PTPRD: variants seen among roughly 807,000 people sequenced by gnomAD.
PTPRD encodes protein tyrosine phosphatase receptor type D.
Under a neutral mutation model 214.5 loss-of-function variants are expected in PTPRD, and 34 were observed. The observed-to-expected ratio is 0.16, with a 90% CI of 0.12 to 0.21. The LOEUF is 0.21. Among genes scored for constraint, PTPRD ranks in the 10% least tolerant of loss-of-function variants. The pLI, the probability that PTPRD is intolerant of heterozygous loss-of-function variation, is 1.00. For synonymous variants in PTPRD, 1,128 were observed against 845.7 expected, an observed-to-expected ratio of 1.33 and a Z score of -5.79; for missense variants, 2,545 against 2,398.7, an observed-to-expected ratio of 1.06 and a Z score of -1.27.
intron 36 of PTPRD, among the ~76,000 whole-genome samples, chr9:8,400,011 A>T (rs1292594744): frequency 6.6e-6 from 1 of 150,908 alleles, no homozygotes; most frequent in African/African-American, 2.5e-5. Flanking sequence ...CCAGATAATC[A>T]TATCTATTAT....
At chr9:10,556,792 G>A (rs1324853049) in intron 2 of PTPRD, among the ~76,000 whole-genome samples, 4 of 151,942 alleles carry the variant, frequency 2.6e-5, no homozygotes, top group Admixed American at 6.6e-5. Context: ...AATGTACTGC[G>A]GGAAGATGGA....
rs1569568014 is a variant in PTPRD, at chr9:9,402,973, A to AC, written c.-236-5492_-236-5491insG. On this transcript the variant is annotated intron_variant, in intron 8 of 45. Coordinates refer to ENST00000381196, the MANE Select transcript of PTPRD (RefSeq NM_002839.4). ...ACATTTGTCTAATAGGGAGAAAAAAAAAAAAAAAAAAAAAAACACCAAAAA... is the reference window on the plus strand; with the variant it reads ...ACATTTGTCTAATAGGGAGAAAAAAACAAAAAAAAAAAAAAAACACCAAAAA... Among the ~76,000 whole-genome samples, 227 of 146,268 alleles carry AC rather than the reference A, an allele frequency of 1.6e-3. 1 individual carries two copies. The highest frequency in any genetic ancestry group is 5.4e-3 in the African/African-American group (212 of 39,292).
At chr9:8,843,526 T>C (rs1453446230) in intron 11 of PTPRD, among the ~76,000 whole-genome samples, 1 of 152,214 alleles carries the variant, frequency 6.6e-6, no homozygotes, top group Non-Finnish European at 1.5e-5. Flanking sequence ...GCTGGTTCTA[T>C]ATCATGGCCA....
intron 4 of PTPRD, among the ~76,000 whole-genome samples, chr9:10,016,205 A>C (rs2096708704): frequency 6.6e-6 from 1 of 152,190 alleles, no homozygotes; most frequent in African/African-American, 2.4e-5. Flanking sequence ...GGCAAGTATT[A>C]GAAAAATGCT....
At chr9:9,375,925 T>C (rs1176259847) in intron 9 of PTPRD, among the ~76,000 whole-genome samples, 1 of 152,124 alleles carries the variant, frequency 6.6e-6, no homozygotes, top group African/African-American at 2.4e-5. Flanking sequence ...TAAAAATCGG[T>C]AAAATGGTAA....
At chr9:8,992,508 G>T (rs919421705) in intron 11 of PTPRD, among the ~76,000 whole-genome samples, 3 of 152,016 alleles carry the variant, frequency 2.0e-5, no homozygotes, top group Non-Finnish European at 4.4e-5. Flanking sequence ...TAAGACCTTC[G>T]GCTATTCTAT....
chr9:9,555,081 AAG>A (rs1218757971), intron 8 of PTPRD, among the ~76,000 whole-genome samples: 1 of 152,086 alleles, frequency 6.6e-6, no homozygotes, highest in Non-Finnish European at 1.5e-5. Flanking sequence ...TTAAAGGCAT[AAG>A]TGCATAATGT....
intron 9 of PTPRD, among the ~76,000 whole-genome samples, chr9:9,390,971 T>A (rs1183100567): frequency 6.6e-6 from 1 of 152,152 alleles, no homozygotes; most frequent in Non-Finnish European, 1.5e-5. Context: ...TGCAAGATGG[T>A]GTTTATCAAG....
chr9:10,583,427 T>C (rs1032683217), intron 2 of PTPRD, among the ~76,000 whole-genome samples: 2 of 151,240 alleles, frequency 1.3e-5, no homozygotes, highest in African/African-American at 4.9e-5. Context: ...CAGACAGAGG[T>C]CCCCTGGTTG....
intron 8 of PTPRD, among the ~76,000 whole-genome samples, chr9:9,406,168 T>C (rs146101908): frequency 1.1e-3 from 172 of 152,102 alleles, no homozygotes; most frequent in Non-Finnish European, 1.7e-3. Context: ...AGACAAATGT[T>C]TTTGAAACAC....
Position 10,135,637 on chromosome 9 carries a change from C to A in PTPRD, c.-544-101847G>T, listed in dbSNP as rs192192600. On this transcript the variant is annotated intron_variant, in intron 3 of 45. Transcript: ENST00000381196. ...TCATGTTCAACCAGACTAAGTTCCACAAGTGAAGAAGAAATAAAATTCTTT... is the reference window on the plus strand; with the variant it reads ...TCATGTTCAACCAGACTAAGTTCCAAAAGTGAAGAAGAAATAAAATTCTTT... 1.3e-3 allele frequency among the ~76,000 whole-genome samples: 193 copies of A among 152,108 alleles called. 3 individuals carry two copies. Among genetic ancestry groups the A allele is most frequent in the African/African-American group, 4.3e-3 (179 of 41,494 alleles).
At chr9:8,987,460 G>A (rs1039768166) in intron 11 of PTPRD, among the ~76,000 whole-genome samples, 1 of 152,114 alleles carries the variant, frequency 6.6e-6, no homozygotes, top group South Asian at 2.1e-4. Flanking sequence ...TTTAGAACAG[G>A]CATAAAGACA....
intron 3 of PTPRD, among the ~76,000 whole-genome samples, chr9:10,059,128 A>T (rs1395792769): frequency 6.6e-6 from 1 of 152,130 alleles, no homozygotes; most frequent in Non-Finnish European, 1.5e-5. Context: ...TGCTAACAGC[A>T]TTATGTGTTG....
chr9:9,462,798 G>A (rs2093779135), intron 8 of PTPRD, among the ~76,000 whole-genome samples: 1 of 152,068 alleles, frequency 6.6e-6, no homozygotes, highest in African/African-American at 2.4e-5. Context: ...CAATAGAGAT[G>A]GAAATTTTGG....
At chr9:9,500,260 G>C (rs947435082) in intron 8 of PTPRD, among the ~76,000 whole-genome samples, 1 of 152,070 alleles carries the variant, frequency 6.6e-6, no homozygotes, top group Admixed American at 6.6e-5. Context: ...CACCAGGCTT[G>C]GCCTCTCGAT....
chr9:8,553,139 C>T (rs1419614858), intron 14 of PTPRD, among the ~76,000 whole-genome samples: 1 of 152,170 alleles, frequency 6.6e-6, no homozygotes, highest in Non-Finnish European at 1.5e-5. Context: ...GAGCAAAACA[C>T]TAGTGACCTG....
intron 11 of PTPRD, among the ~76,000 whole-genome samples, chr9:8,990,338 A>C (rs1234856416): frequency 6.6e-6 from 1 of 152,202 alleles, no homozygotes; most frequent in African/African-American, 2.4e-5. Flanking sequence ...CATTTGGTGA[A>C]AAAGTTCATA....
chr9:8,621,648 T>TTCCATC (rs1413012845), intron 14 of PTPRD, among the ~76,000 whole-genome samples: 128 of 151,980 alleles, frequency 8.4e-4, no homozygotes, highest in Non-Finnish European at 1.7e-3. Flanking sequence ...CCATTTGCTA[T>TTCCATC]TGAGCCAGTG....
chr9:9,481,715 C>T (rs540919586), intron 8 of PTPRD, among the ~76,000 whole-genome samples: 1 of 151,952 alleles, frequency 6.6e-6, no homozygotes, highest in South Asian at 2.1e-4. Flanking sequence ...TGTCATATTG[C>T]AGTGCTGGCG....
Sources: allele counts gnomAD v4.1 joint callset (sites outside exome capture counted in the v4.1 genomes callset), GRCh38; gene constraint gnomAD v4.1.1; transcripts MANE v1.5; gene names NCBI Gene and HGNC (gene_info 2026-07-23, HGNC 2026-07-21).